ADCY8: variants seen among roughly 807,000 people sequenced by gnomAD.
ADCY8 encodes the protein adenylate cyclase type 8.
A neutral mutation model predicts 119.7 loss-of-function variants in ADCY8; 51 were observed. The ratio of observed to expected loss-of-function variants is 0.43; its 90% confidence interval spans 0.34 to 0.54. The LOEUF is 0.54. Among genes scored for constraint, ADCY8 ranks in the 20% least tolerant of loss-of-function variants. The pLI is 0.03. For synonymous variants in ADCY8, 665 were observed against 651.0 expected (o/e 1.02, Z -0.33); for missense variants, 1,383 against 1,598.8 (o/e 0.87, Z 2.30).
At chr8:130,833,149 A>G (rs140313806) in intron 12 of ADCY8, among the ~76,000 whole-genome samples, 3 of 152,168 alleles carry the variant, frequency 2.0e-5, no homozygotes, top group African/African-American at 7.2e-5. Flanking sequence ...GTTTCTTTGA[A>G]CCCTTGGAAT....
intron 1 of ADCY8, among the ~76,000 whole-genome samples, chr8:131,003,713 T>C (rs1823026615): frequency 1.3e-5 from 2 of 152,178 alleles, no homozygotes; most frequent in East Asian, 1.9e-4. Context: ...ACTAGGGTGA[T>C]TGACTGTCTT....
intron 12 of ADCY8, among the ~76,000 whole-genome samples, chr8:130,835,511 C>T (rs1208603042): frequency 6.6e-6 from 1 of 152,178 alleles, no homozygotes; most frequent in Non-Finnish European, 1.5e-5. Flanking sequence ...CTTCTCTTTT[C>T]CCTCACTTTC....
chr8:130,874,977 C>T (rs1228569394), intron 8 of ADCY8, among the ~76,000 whole-genome samples: 2 of 152,138 alleles, frequency 1.3e-5, no homozygotes, highest in African/African-American at 4.8e-5. Flanking sequence ...GTTACAATTG[C>T]TTCAGTGACC....
rs1586505697 is a variant in ADCY8 at position 130,868,468 on chromosome 8, A to C, written c.2110-522T>G. 2.0e-5 allele frequency among the ~76,000 whole-genome samples: 3 copies of C among 152,246 alleles called. No individual in the cohort carries two copies. The East Asian group carries it at 5.8e-4, about 29-fold the overall frequency. ...TCACAGAAGAGAAACCAAGACTAATAGACCAATATGCTTGATGCCCTTCGT... is the reference window on the plus strand; with the variant it reads ...TCACAGAAGAGAAACCAAGACTAATCGACCAATATGCTTGATGCCCTTCGT... On this transcript the variant is annotated intron_variant, in intron 8 of 17. Coordinates refer to ENST00000286355, the MANE Select transcript of ADCY8 (RefSeq NM_001115.3).
chr8:130,819,622 T>C (rs1025464313), intron 13 of ADCY8, among the ~76,000 whole-genome samples: 2 of 152,214 alleles, frequency 1.3e-5, no homozygotes, highest in African/African-American at 4.8e-5. Flanking sequence ...AGTGAGCATA[T>C]GTTTGTCTAT....
In ADCY8 at chr8:130,783,716, T is replaced by C; in HGVS notation, c.3243A>G (p.Ser1081=). The C allele has an allele frequency of 6.2e-7, 1 of 1,613,562 alleles. No homozygotes were observed. Among genetic ancestry groups the C allele is most frequent in the South Asian group, 1.1e-5 (1 of 90,916 alleles). ...TESIQEINKH[S]FNNFELRIGI... ...CAATCCGGAGTTCAAAATTGTTGAA[T>C]GAATGCTTGTTGATCTCCTGTATGC... Residue 1081 remains serine, a synonymous_variant, in exon 17 of 18, where the codon TCA becomes TCG. Transcript: ENST00000286355.
At chr8:130,885,140 T>C (rs1209431301) in intron 7 of ADCY8, among the ~76,000 whole-genome samples, 2 of 151,666 alleles carry the variant, frequency 1.3e-5, no homozygotes, top group Non-Finnish European at 2.9e-5. Context: ...CCAAAAATGA[T>C]CATCTCCAAC....
At chr8:130,896,524 G>C (rs11786442) in intron 7 of ADCY8, among the ~76,000 whole-genome samples, 3,318 of 152,160 alleles carry the variant, frequency 0.022, 76 homozygotes, top group South Asian at 0.08. Context: ...AAATCCCAGG[G>C]AACAATATCA....
At chr8:130,954,536 G>A (rs1288432726) in intron 2 of ADCY8, among the ~76,000 whole-genome samples, 1 of 152,204 alleles carries the variant, frequency 6.6e-6, no homozygotes, top group Non-Finnish European at 1.5e-5. Context: ...AGAGGGTGGA[G>A]TTTTTAAAAA....
intron 11 of ADCY8, among the ~76,000 whole-genome samples, chr8:130,846,528 C>G (rs951042798): frequency 9.4e-5 from 13 of 137,920 alleles, no homozygotes; most frequent in African/African-American, 3.6e-4. Flanking sequence ...CCCTCCCTCC[C>G]TCCCTTCCTT....
At chr8:130,879,833 G>T (rs1393307233) in intron 8 of ADCY8, among the ~76,000 whole-genome samples, 2 of 152,096 alleles carry the variant, frequency 1.3e-5, no homozygotes, top group African/African-American at 4.8e-5. Context: ...GCATACAATG[G>T]TCTATTTTTA....
chr8:131,017,060 G>A (rs1263287329), intron 1 of ADCY8, among the ~76,000 whole-genome samples: 1 of 151,720 alleles, frequency 6.6e-6, no homozygotes, highest in Non-Finnish European at 1.5e-5. Context: ...AATGTCCATT[G>A]GAATGTACAT....
intron 12 of ADCY8, among the ~76,000 whole-genome samples, chr8:130,834,510 C>A (rs1272779108): frequency 6.6e-6 from 1 of 152,142 alleles, no homozygotes; most frequent in African/African-American, 2.4e-5. Context: ...AACGCAGATA[C>A]CCTACAATCC....
At chr8:130,934,782 G>A (rs1401838018) in intron 5 of ADCY8, among the ~76,000 whole-genome samples, 2 of 152,248 alleles carry the variant, frequency 1.3e-5, no homozygotes, top group Non-Finnish European at 1.5e-5. Flanking sequence ...CAGAAGACAG[G>A]GAGATAGTAG....
chr8:131,033,840 C>A (rs1824067647), intron 1 of ADCY8, among the ~76,000 whole-genome samples: 1 of 151,606 alleles, frequency 6.6e-6, no homozygotes, highest in South Asian at 2.1e-4. Flanking sequence ...AAAGGAGACT[C>A]TCTGGGTATC....
chr8:130,831,855 T>C (rs535446760), intron 12 of ADCY8, among the ~76,000 whole-genome samples: 55 of 152,210 alleles, frequency 3.6e-4, no homozygotes, highest in African/African-American at 1.3e-3. Context: ...GTGGCAGCAT[T>C]TGTGATATGG....
chr8:130,803,183 C>T (rs935648005), intron 14 of ADCY8, among the ~76,000 whole-genome samples: 2 of 152,332 alleles, frequency 1.3e-5, no homozygotes, highest in South Asian at 4.1e-4. Flanking sequence ...TACCGTCTGT[C>T]CCTGGGTGGG....
At chr8:131,002,897 A>C (rs1822996090) in intron 1 of ADCY8, among the ~76,000 whole-genome samples, 1 of 152,174 alleles carries the variant, frequency 6.6e-6, no homozygotes, top group African/African-American at 2.4e-5. Flanking sequence ...AAGGTTTTTA[A>C]AAAAATGAAT....
chr8:130,881,590 A>G (rs1818773082), intron 8 of ADCY8, among the ~76,000 whole-genome samples: 1 of 152,182 alleles, frequency 6.6e-6, no homozygotes, highest in Admixed American at 6.5e-5. Flanking sequence ...CCAAGAAGAA[A>G]GGTAGGGCAG....
Sources: gnomAD v4.1 joint callset for allele counts (sites outside exome capture counted in the v4.1 genomes callset) on GRCh38, gnomAD v4.1.1 for gene constraint, MANE v1.5 for transcripts, NCBI Gene and HGNC (gene_info 2026-07-23, HGNC 2026-07-21) for gene names.